The following MAP3K5 variants were observed in gnomAD, a reference collection of about 807,000 sequenced individuals.
The protein encoded by MAP3K5 is mitogen-activated protein kinase kinase kinase 5.
A neutral mutation model predicts 158.7 loss-of-function variants in MAP3K5; 56 were observed. The observed-to-expected ratio is 0.35, with a 90% CI of 0.28 to 0.44. The LOEUF is 0.44. Ranked by LOEUF, MAP3K5 falls within the 20% of genes least tolerant of loss-of-function variation. The pLI is 1.00. For missense variants in MAP3K5, 1,294 were observed against 1,674.8 expected (o/e 0.77, Z 3.97); for synonymous variants, 579 against 601.7 (o/e 0.96, Z 0.55).
In MAP3K5 at chr6:136,792,224, C is replaced by T. The variant is rs1472491531; in HGVS notation, c.-67G>A. On this transcript the variant is annotated 5_prime_UTR_variant, in exon 1 of 30. Transcript: ENST00000359015. This position sits in a 1 kb window ranked among gnomAD's most constrained non-coding sequence, Gnocchi z 5.7. ...AGCCGCACCGCCTGGCCAGCCACAGCTCGGGGCTGCTCCGCGCCCGCCGGG... is the reference window on the plus strand; with the variant it reads ...AGCCGCACCGCCTGGCCAGCCACAGTTCGGGGCTGCTCCGCGCCCGCCGGG... The T allele has an allele frequency of 7.1e-7, 1 of 1,417,152 alleles. No homozygotes were observed. The highest frequency in any genetic ancestry group is 9.1e-7 in the Non-Finnish European group (1 of 1,097,000). The allele number at this position is 1,417,152 out of a possible 1,614,324, so 87.8% of individuals were successfully genotyped here. A position where few individuals can be genotyped will look rare whatever the true frequency, so the allele number is the denominator to read the frequency against.
At chr6:136,663,663 G>A (rs1274205214) in intron 8 of MAP3K5, among the ~76,000 whole-genome samples, 1 of 145,548 alleles carries the variant, frequency 6.9e-6, no homozygotes, top group Non-Finnish European at 1.5e-5. Context: ...AGGCTGGAGT[G>A]CAGTGGCATG....
Position 136,609,619 on chromosome 6 carries a change from C to G in MAP3K5, c.2521+1663G>C, listed in dbSNP as rs1192412629. On this transcript the variant is annotated intron_variant, in intron 18 of 29. Transcript: ENST00000359015. The surrounding 1 kb of genome is among the most constrained non-coding windows in gnomAD (Gnocchi z 4.4). The stretch of plus-strand genomic sequence containing the variant: ...ACCAGCCTGGGCAACATGGTGAAAC[C>G]CTGTCTCTACCAAAAATACAAAAAA... 6.6e-6 allele frequency among the ~76,000 whole-genome samples: 1 copy of G among 151,626 alleles called. No homozygotes were observed. The highest frequency in any genetic ancestry group is 2.4e-5 in the African/African-American group (1 of 41,218).
chr6:136,604,014 T>G (rs1775990580), intron 19 of MAP3K5, among the ~76,000 whole-genome samples: 1 of 152,082 alleles, frequency 6.6e-6, no homozygotes. Context: ...GGGAGAGGAA[T>G]AACAATTACC....
rs931389954 is a variant in MAP3K5, at chr6:136,561,468, T to C, written c.3987+65A>G. 11 of 1,211,956 alleles carry C rather than the reference T, an allele frequency of 9.1e-6. No homozygotes were observed. In the African/African-American group the frequency reaches 1.2e-4, roughly 13 times the overall value. The allele number at this position is 1,211,956 out of a possible 1,614,324, so 75.1% of individuals were successfully genotyped here. A position where few individuals can be genotyped will look rare whatever the true frequency, so the allele number is the denominator to read the frequency against. On this transcript the variant is annotated intron_variant, in intron 28 of 29. Coordinates refer to ENST00000359015, the MANE Select transcript of MAP3K5 (RefSeq NM_005923.4). Reference sequence around the variant, plus strand: ...CAGTGTATCCCCTGTGCCTGTCACATAGCAGGCACCCAACATTATGAAACG... The same window carrying C: ...CAGTGTATCCCCTGTGCCTGTCACACAGCAGGCACCCAACATTATGAAACG...
chr6:136,598,053 C>A (rs919279430), intron 21 of MAP3K5, among the ~76,000 whole-genome samples: 2 of 152,212 alleles, frequency 1.3e-5, no homozygotes, highest in African/African-American at 4.8e-5. Flanking sequence ...TTTTCCCCGG[C>A]TCCCCAACCC....
intron 10 of MAP3K5, among the ~76,000 whole-genome samples, chr6:136,651,898 C>G (rs935726461): frequency 3.9e-5 from 6 of 152,036 alleles, no homozygotes; most frequent in African/African-American, 1.4e-4. Context: ...GATTCATTAT[C>G]TACTTGTATA....
chr6:136,647,445 T>C (rs1357640085), intron 11 of MAP3K5, among the ~76,000 whole-genome samples: 1 of 152,234 alleles, frequency 6.6e-6, no homozygotes, highest in African/African-American at 2.4e-5. Flanking sequence ...CTATGCACTT[T>C]GATGCTGACC....
At chr6:136,569,937 G>A (rs565398961) in intron 25 of MAP3K5, among the ~76,000 whole-genome samples, 10 of 152,112 alleles carry the variant, frequency 6.6e-5, no homozygotes, top group African/African-American at 1.9e-4. Flanking sequence ...CATATGCTTC[G>A]GCACATAGAA....
chr6:136,694,326 T>C lies in MAP3K5; in HGVS notation c.1083-16A>G, dbSNP rs776173225. The C allele has an allele frequency of 4.4e-6, 7 of 1,600,850 alleles. No individual in the cohort carries two copies. Among genetic ancestry groups the C allele is most frequent in the Middle Eastern group, 1.7e-4 (1 of 6,058 alleles). On this transcript the variant is annotated splice_polypyrimidine_tract_variant and intron_variant, in intron 6 of 29. Transcript: ENST00000359015. ...GAGATTTCTCCTAAGGCAGAAAACA[T>C]TGTTGTTTCAATATACATTACAGAA...
chr6:136,773,607 GCCTTCCT>G (rs1248625406), intron 1 of MAP3K5, among the ~76,000 whole-genome samples: 4 of 151,974 alleles, frequency 2.6e-5, no homozygotes, highest in Admixed American at 1.3e-4. Context: ...ACTAGATGAT[GCCTTCCT>G]TTGCCCATTT....
At chr6:136,620,169 C>A (rs1215019646) in intron 15 of MAP3K5, among the ~76,000 whole-genome samples, 1 of 152,126 alleles carries the variant, frequency 6.6e-6, no homozygotes, top group Non-Finnish European at 1.5e-5. Flanking sequence ...ACTCAGGAGG[C>A]TGAAGCATGA....
At chr6:136,697,150 T>G in intron 5 of MAP3K5, 69 bp downstream of exon 5, 48 of 1,379,412 alleles carry the variant, frequency 3.5e-5, no homozygotes, top group Non-Finnish European at 4.4e-5. Flanking sequence ...AACTGAAATT[T>G]GAGGTTAATA....
At chr6:136,706,223 A>G (rs1781070657) in intron 2 of MAP3K5, among the ~76,000 whole-genome samples, 1 of 152,084 alleles carries the variant, frequency 6.6e-6, no homozygotes, top group Admixed American at 6.5e-5. Flanking sequence ...CTGAGATCGC[A>G]CCACTGCACT....
At chr6:136,704,515 C>T (rs1048708285) in intron 3 of MAP3K5, among the ~76,000 whole-genome samples, 2 of 152,100 alleles carry the variant, frequency 1.3e-5, no homozygotes, top group South Asian at 2.1e-4. Context: ...CATAATTCCA[C>T]AACATTGAAT....
In MAP3K5 at chr6:136,745,183, C is replaced by T. The variant is rs538208041; in HGVS notation, c.449-24594G>A. Among the ~76,000 whole-genome samples the T allele has an allele frequency of 2.3e-5, 3 of 133,130 alleles. No homozygotes were observed. In the South Asian group the frequency reaches 6.9e-4, roughly 31 times the overall value. 87.3% of individuals were successfully genotyped at this position (133,130 alleles called of 152,430 possible). A position where few individuals can be genotyped will look rare whatever the true frequency, so the allele number is the denominator to read the frequency against. On this transcript the variant is annotated intron_variant, in intron 1 of 29. Transcript: ENST00000359015. Reference sequence around the variant, plus strand: ...TTTTTTTTGAGCAACTTAATTGGAGCTTCGGCATCTATTATGTATCTTGTT... The same window carrying T: ...TTTTTTTTGAGCAACTTAATTGGAGTTTCGGCATCTATTATGTATCTTGTT...
At chr6:136,732,227 C>G (rs1395830433) in intron 1 of MAP3K5, among the ~76,000 whole-genome samples, 1 of 152,046 alleles carries the variant, frequency 6.6e-6, no homozygotes, top group Non-Finnish European at 1.5e-5. Flanking sequence ...GAGTTCGAGA[C>G]CAGCCTGACC....
At chr6:136,706,811 G>T (rs1386158236) in intron 2 of MAP3K5, among the ~76,000 whole-genome samples, 4 of 152,320 alleles carry the variant, frequency 2.6e-5, no homozygotes, top group East Asian at 1.9e-4. Flanking sequence ...ACAGAGGAAA[G>T]AATTGCACTG....
chr6:136,696,268 T>C (rs2273557), intron 5 of MAP3K5, among the ~76,000 whole-genome samples: 74,780 of 152,076 alleles, frequency 0.49, 18,685 homozygotes, highest in South Asian at 0.62. Context: ...ATTAGAAACA[T>C]ACAGTTACCA....
At chr6:136,640,224 T>C (rs1400475373) in intron 12 of MAP3K5, among the ~76,000 whole-genome samples, 1 of 152,256 alleles carries the variant, frequency 6.6e-6, no homozygotes, top group Non-Finnish European at 1.5e-5. Context: ...GCAACCATTT[T>C]CTGTAACAGG....
Sources: allele counts gnomAD v4.1 joint callset (sites outside exome capture counted in the v4.1 genomes callset), GRCh38; gene constraint gnomAD v4.1.1; non-coding constraint Gnocchi (gnomAD v3.1); transcripts MANE v1.5; gene names NCBI Gene and HGNC (gene_info 2026-07-23, HGNC 2026-07-21).